Variants in SOBP observed in about 807,000 individuals in gnomAD.
SOBP encodes the protein sine oculis binding protein homolog, also known as sine oculis-binding protein homolog.
In SOBP, 4 loss-of-function variants were observed where a neutral mutation model predicts 53.6. The ratio of observed to expected loss-of-function variants is 0.07; its 90% confidence interval spans 0.04 to 0.17. The LOEUF is 0.17. Ranked by LOEUF, SOBP falls within the 10% of genes least tolerant of loss-of-function variation. The probability of loss-of-function intolerance (pLI) is 1.00; values close to 1 mark genes in which losing one functional copy is unlikely to be tolerated. For synonymous variants in SOBP, 584 were observed against 522.6 expected (o/e 1.12, Z -1.60); for missense variants, 1,088 against 1,204.7 (o/e 0.90, Z 1.43).
At chr6:107,551,670 AT>A (rs1184544641) in intron 4 of SOBP, among the ~76,000 whole-genome samples, 2 of 152,242 alleles carry the variant, frequency 1.3e-5, no homozygotes, top group Non-Finnish European at 1.5e-5. Context: ...AAATAATACC[AT>A]ACTTATTTTC....
chr6:107,640,724 G>A (rs1344418332), intron 6 of SOBP, among the ~76,000 whole-genome samples: 1 of 152,170 alleles, frequency 6.6e-6, no homozygotes, highest in Non-Finnish European at 1.5e-5. Flanking sequence ...ATGTCAATCA[G>A]GTTATGATGG....
At chr6:107,609,586 A>G (rs1786516278) in intron 5 of SOBP, among the ~76,000 whole-genome samples, 2 of 152,230 alleles carry the variant, frequency 1.3e-5, no homozygotes, top group East Asian at 3.8e-4. Context: ...TTAACAAGTC[A>G]GTAACTGATA....
chr6:107,660,791 G>A lies in SOBP; in HGVS notation c.*2588G>A, dbSNP rs6914401. Among the ~76,000 whole-genome samples the A allele has an allele frequency of 9.4e-3, 1,438 of 152,208 alleles. 27 individuals carry two copies. The highest frequency in any genetic ancestry group is 0.033 in the African/African-American group (1,354 of 41,528). ...AGCAACTCGACCTGTTCAGAGTCTCGCACTTAGTTGATTTAGCTTCTCAAA... is the reference window on the plus strand; with the variant it reads ...AGCAACTCGACCTGTTCAGAGTCTCACACTTAGTTGATTTAGCTTCTCAAA... On this transcript the variant is annotated 3_prime_UTR_variant, in exon 7 of 7. Transcript: ENST00000317357.
At chr6:107,570,326 C>G (rs1474561049) in intron 4 of SOBP, among the ~76,000 whole-genome samples, 5 of 152,212 alleles carry the variant, frequency 3.3e-5, no homozygotes, top group Non-Finnish European at 5.9e-5. Context: ...GTACTTTTCA[C>G]TCACCTCTTT....
intron 4 of SOBP, among the ~76,000 whole-genome samples, chr6:107,575,633 A>T (rs1422529685): frequency 1.3e-5 from 2 of 152,180 alleles, no homozygotes; most frequent in Non-Finnish European, 2.9e-5. Flanking sequence ...CTCAGTTTAC[A>T]CTAAGAAGGG....
rs797045998 is a variant in SOBP, at chr6:107,634,740, C to T, written c.1896C>T (p.Gly632=). ...CGCGGCGCGCCGGCAGCCCCCCGGG[C>T]CCCCCGGGCGCGGGCGGCCAGCTCG... ...DLTRRAGSPP[G]PPGAGGQLGF... is the part of the protein sequence containing the mutation. The change falls in exon 6 of 7, where the codon GGC becomes GGT. Residue 632 remains glycine (G), a synonymous_variant. Coordinates refer to ENST00000317357, the MANE Select transcript of SOBP (RefSeq NM_018013.4). The surrounding 1 kb of genome is among the most constrained non-coding windows in gnomAD (Gnocchi z 4.5). The T allele has an allele frequency of 6.0e-6, 8 of 1,338,428 alleles. No individual in the cohort carries two copies. In the East Asian group the frequency reaches 9.7e-5, roughly 16 times the overall value. 82.9% of individuals were successfully genotyped at this position (1,338,428 alleles called of 1,614,324 possible). A position where few individuals can be genotyped will look rare whatever the true frequency, so the allele number is the denominator to read the frequency against.
chr6:107,569,961 C>T (rs563022723), intron 4 of SOBP, among the ~76,000 whole-genome samples: 31 of 152,210 alleles, frequency 2.0e-4, no homozygotes, highest in Non-Finnish European at 4.3e-4. Context: ...ATCCTTCTCC[C>T]TCAACTGGGG....
chr6:107,575,624 T>C (rs1333716498), intron 4 of SOBP, among the ~76,000 whole-genome samples: 1 of 152,166 alleles, frequency 6.6e-6, no homozygotes, highest in Non-Finnish European at 1.5e-5. Context: ...ATTATTTTTC[T>C]CAGTTTACAC....
chr6:107,534,598 C>T (rs1344018734), intron 4 of SOBP, among the ~76,000 whole-genome samples: 1 of 152,182 alleles, frequency 6.6e-6, no homozygotes, highest in East Asian at 1.9e-4. Context: ...ATTATGGGCT[C>T]ACTGCATTGC....
At chr6:107,655,260 C>G (rs1771982094) in intron 6 of SOBP, among the ~76,000 whole-genome samples, 1 of 151,922 alleles carries the variant, frequency 6.6e-6, no homozygotes, top group Non-Finnish European at 1.5e-5. Flanking sequence ...TCATACCTTC[C>G]ATACCAATAA....
intron 3 of SOBP, chr6:107,514,726 G>A (rs1783267097): frequency 6.6e-6 from 1 of 152,188 alleles, no homozygotes; most frequent in African/African-American, 2.4e-5. Flanking sequence ...GCAAAATGAT[G>A]TGGTTAGCTT....
intron 3 of SOBP, among the ~76,000 whole-genome samples, chr6:107,525,451 G>C (rs1301248304): frequency 6.6e-6 from 1 of 152,148 alleles, no homozygotes; most frequent in Non-Finnish European, 1.5e-5. Context: ...CTTCTTCATT[G>C]GAGTACGGGA....
rs549418624 is a variant in SOBP at position 107,654,983 on chromosome 6, C to T, written c.*4-3224C>T. 2.0e-5 allele frequency among the ~76,000 whole-genome samples: 3 copies of T among 151,912 alleles called. No homozygotes were observed. In the Middle Eastern group the frequency reaches 0.01, roughly 520 times the overall value. On this transcript the variant is annotated intron_variant, in intron 6 of 6. Coordinates refer to ENST00000317357, the MANE Select transcript of SOBP (RefSeq NM_018013.4). ...TGACTGAGGAACATAGTAGAAGAAT[C>T]GAGGCTCTGGGGGAGGGTGGCTGAG...
At position 107,633,655 on chromosome 6, in the gene SOBP, C is replaced by A; in HGVS notation, c.811C>A (p.Leu271Ile). ...TTTCTACAAAGAGACCCAGGCCAAT[C>A]TTCCAGCTGGGCTGTGCAGCACATT... ...DIFYKETQAN[L>I]PAGLCSTLHP... is the part of the protein sequence containing the mutation. The change falls in exon 6 of 7, where the codon CTT becomes ATT. Residue 271 changes from leucine (L) to isoleucine (I), a missense_variant. Physicochemically the swap from Leu to Ile is conservative, Grantham distance 5 (BLOSUM62 2). Transcript: ENST00000317357. 1 of 1,614,256 alleles carries A rather than the reference C, an allele frequency of 6.2e-7. No homozygotes were observed. The highest frequency in any genetic ancestry group is 2.2e-5 in the East Asian group (1 of 44,890).
intron 4 of SOBP, among the ~76,000 whole-genome samples, chr6:107,574,187 A>G (rs1462397326): frequency 6.6e-6 from 1 of 152,222 alleles, no homozygotes; most frequent in East Asian, 1.9e-4. Flanking sequence ...TCATCCCTTA[A>G]GACAAAGAAA....
chr6:107,617,590 T>C (rs1463861938), intron 5 of SOBP, among the ~76,000 whole-genome samples: 1 of 152,174 alleles, frequency 6.6e-6, no homozygotes, highest in African/African-American at 2.4e-5. Context: ...TAAAAAGTAA[T>C]ACAGAAGAAT....
At chr6:107,561,782 A>C (rs1234709510) in intron 4 of SOBP, among the ~76,000 whole-genome samples, 1 of 152,172 alleles carries the variant, frequency 6.6e-6, no homozygotes, top group Non-Finnish European at 1.5e-5. Context: ...CTGAGCCTTG[A>C]CAGCTGTCTA....
chr6:107,519,934 G>T (rs1233229853), intron 3 of SOBP, among the ~76,000 whole-genome samples: 2 of 152,192 alleles, frequency 1.3e-5, no homozygotes, highest in Non-Finnish European at 2.9e-5. Flanking sequence ...GAAGTGCCAT[G>T]TGTACAGAAG....
chr6:107,495,837 A>G (rs1782685851), intron 1 of SOBP, among the ~76,000 whole-genome samples: 1 of 152,130 alleles, frequency 6.6e-6, no homozygotes, highest in Non-Finnish European at 1.5e-5. Context: ...ATACTTAACA[A>G]AATTATTACA....
Sources: gnomAD v4.1 joint callset for allele counts (sites outside exome capture counted in the v4.1 genomes callset) on GRCh38, gnomAD v4.1.1 for gene constraint, Gnocchi (gnomAD v3.1) non-coding constraint, MANE v1.5 for transcripts, NCBI Gene and HGNC (gene_info 2026-07-23, HGNC 2026-07-21) for gene names.